TAF1B: variants seen among roughly 807,000 people sequenced by gnomAD.
TAF1B encodes TATA-box binding protein associated factor, RNA polymerase I subunit B.
A neutral mutation model predicts 83.9 loss-of-function variants in TAF1B; 61 were observed. The observed-to-expected ratio is 0.73, with a 90% CI of 0.59 to 0.90. The LOEUF is 0.90. TAF1B is among the 40% of genes least tolerant of loss of function. TAF1B has a pLI of 0.00. For missense variants in TAF1B, 625 were observed against 677.0 expected (o/e 0.92, Z 0.85); for synonymous variants, 221 against 224.6 (o/e 0.98, Z 0.14).
intron 14 of TAF1B, among the ~76,000 whole-genome samples, chr2:9,930,751 C>T (rs758553104): frequency 1.5e-4 from 23 of 152,186 alleles, no homozygotes; most frequent in Non-Finnish European, 2.4e-4. Flanking sequence ...GTTAATCTGT[C>T]TAATACTGAC....
chr2:9,932,912 C>T (rs535879189), intron 14 of TAF1B, among the ~76,000 whole-genome samples: 35 of 152,340 alleles, frequency 2.3e-4, no homozygotes, highest in Admixed American at 9.1e-4. Flanking sequence ...GCTGCTGCCT[C>T]GCAGGTCAAT....
chr2:9,908,361 A>G (rs1665416462), intron 9 of TAF1B, among the ~76,000 whole-genome samples: 1 of 152,074 alleles, frequency 6.6e-6, no homozygotes, highest in South Asian at 2.1e-4. Flanking sequence ...TATTAATTTT[A>G]AAAGAAGAGA....
chr2:9,915,625 A>G (rs939518362), intron 12 of TAF1B, among the ~76,000 whole-genome samples: 7 of 152,220 alleles, frequency 4.6e-5, no homozygotes, highest in African/African-American at 1.7e-4. Context: ...AACAAAAACA[A>G]AAACTGATCA....
chr2:9,861,944 G>C (rs1475177811), intron 5 of TAF1B, among the ~76,000 whole-genome samples: 2 of 152,170 alleles, frequency 1.3e-5, no homozygotes, highest in African/African-American at 4.8e-5. Flanking sequence ...AAACCCATCT[G>C]TACGTCACCA....
intron 7 of TAF1B, among the ~76,000 whole-genome samples, chr2:9,882,213 G>A (rs1220438693): frequency 6.6e-6 from 1 of 151,824 alleles, no homozygotes; most frequent in Non-Finnish European, 1.5e-5. Flanking sequence ...CGATTCTTCT[G>A]CCTTAGCCTC....
At chr2:9,930,267 TTAAGA>T (rs762083631) in intron 14 of TAF1B, among the ~76,000 whole-genome samples, 13 of 152,228 alleles carry the variant, frequency 8.5e-5, no homozygotes, top group Non-Finnish European at 1.5e-4. Flanking sequence ...AATTGTGATG[TTAAGA>T]TGTCGATTTT....
intron 7 of TAF1B, among the ~76,000 whole-genome samples, chr2:9,880,958 G>T (rs950049195): frequency 6.6e-6 from 1 of 152,040 alleles, no homozygotes; most frequent in African/African-American, 2.4e-5. Flanking sequence ...TAAAAACTTA[G>T]CTGGGGAACC....
At chr2:9,931,343 G>A (rs2125187599) in intron 14 of TAF1B, among the ~76,000 whole-genome samples, 1 of 152,306 alleles carries the variant, frequency 6.6e-6, no homozygotes, top group African/African-American at 2.4e-5. Context: ...TCCTTCAGGA[G>A]CTCTTGTAAG....
At chr2:9,888,103 T>G (rs1572252228) in intron 8 of TAF1B, among the ~76,000 whole-genome samples, 1 of 152,210 alleles carries the variant, frequency 6.6e-6, no homozygotes, top group East Asian at 1.9e-4. Context: ...TCATTTTATC[T>G]CCACTGTTGA....
intron 8 of TAF1B, among the ~76,000 whole-genome samples, chr2:9,893,839 G>A (rs397871): frequency 0.28 from 42,479 of 152,172 alleles, 6,919 homozygotes; most frequent in Middle Eastern, 0.4. Context: ...GGGATAGGGA[G>A]GAAGTATACT....
chr2:9,928,587 T>C (rs943612546), intron 14 of TAF1B, among the ~76,000 whole-genome samples: 1 of 152,218 alleles, frequency 6.6e-6, no homozygotes, highest in African/African-American at 2.4e-5. Context: ...CCCTTGTAAG[T>C]TGGATTCCTA....
intron 5 of TAF1B, among the ~76,000 whole-genome samples, chr2:9,856,765 T>C (rs1663579292): frequency 6.6e-6 from 1 of 152,252 alleles, no homozygotes; most frequent in African/African-American, 2.4e-5. Flanking sequence ...AGCATCACGC[T>C]AAAATCTTGG....
intron 7 of TAF1B, among the ~76,000 whole-genome samples, chr2:9,879,588 G>T (rs1004453582): frequency 1.3e-5 from 2 of 152,146 alleles, no homozygotes; most frequent in Admixed American, 6.5e-5. Flanking sequence ...CTGGCATTCC[G>T]GGTAGAAGGA....
chr2:9,876,694 G>A (rs1664330337), intron 7 of TAF1B, among the ~76,000 whole-genome samples: 1 of 152,146 alleles, frequency 6.6e-6, no homozygotes, highest in Non-Finnish European at 1.5e-5. Flanking sequence ...CACAAATTAG[G>A]AACCAAACTG....
chr2:9,897,993 C>A (rs1451409323), intron 8 of TAF1B, among the ~76,000 whole-genome samples: 4 of 151,588 alleles, frequency 2.6e-5, no homozygotes, highest in Non-Finnish European at 5.9e-5. Context: ...CCACCCCGCC[C>A]CCAGCTACCA....
intron 6 of TAF1B, among the ~76,000 whole-genome samples, chr2:9,875,405 AATTGT>A (rs1664293060): frequency 2.0e-5 from 3 of 152,224 alleles, no homozygotes; most frequent in Admixed American, 6.5e-5. Flanking sequence ...GTTTTAAGAT[AATTGT>A]ATTAGTCCAT....
intron 3 of TAF1B, among the ~76,000 whole-genome samples, chr2:9,850,027 ATG>A (rs3032347): frequency 0.096 from 11,800 of 123,448 alleles, 533 homozygotes; most frequent in South Asian, 0.17. Flanking sequence ...ATATATATAT[ATG>A]TGTGTGTGTG....
At chr2:9,843,784 G>A in intron 1 of TAF1B, 2 of 508,826 alleles carry the variant, frequency 3.9e-6, no homozygotes, top group South Asian at 5.3e-5. Context: ...GGTTGTGGGG[G>A]AGGGAGGGTG....
chr2:9,852,024 T>TA, intron 4 of TAF1B: 1 of 473,782 alleles, frequency 2.1e-6, no homozygotes, highest in Non-Finnish European at 4.4e-6. Context: ...TGTATGTACA[T>TA]AACGTCCATC....
Sources: gnomAD v4.1 joint callset for allele counts (sites outside exome capture counted in the v4.1 genomes callset) on GRCh38, gnomAD v4.1.1 for gene constraint, MANE v1.5 for transcripts, NCBI Gene and HGNC (gene_info 2026-07-23, HGNC 2026-07-21) for gene names.